The following AKT3 variants were observed in gnomAD, a reference collection of about 807,000 sequenced individuals.
The protein encoded by AKT3 is AKT serine/threonine kinase 3, also known as RAC-gamma serine/threonine-protein kinase.
A neutral mutation model predicts 65.3 loss-of-function variants in AKT3; 15 were observed. That is an observed-to-expected ratio of 0.23 (90% CI 0.15 to 0.35). The LOEUF is 0.35. Ranked by LOEUF, AKT3 falls within the 10% of genes least tolerant of loss-of-function variation. AKT3 has a pLI of 1.00. For missense variants in AKT3, 243 were observed against 576.5 expected (o/e 0.42, Z 5.92); for synonymous variants, 206 against 183.8 (o/e 1.12, Z -0.98).
intron 13 of AKT3, among the ~76,000 whole-genome samples, chr1:243,509,659 T>C (rs1390172264): frequency 1.3e-5 from 2 of 152,124 alleles, no homozygotes; most frequent in African/African-American, 4.8e-5. Flanking sequence ...GCTTGCTGCG[T>C]TGGGCCTATC....
Position 243,502,776 on chromosome 1 carries a change from A to G in AKT3, c.*2473T>C, listed in dbSNP as rs1163205496. On this transcript the variant is annotated 3_prime_UTR_variant, in exon 14 of 14. Coordinates refer to ENST00000673466, the MANE Select transcript of AKT3 (RefSeq NM_005465.7). ...TGACTGAGCCCCAGGCATGGCTGGG[A>G]ACTGAGAGCCAGTGTGAGGAGTGGC... is the stretch of plus-strand genomic sequence containing the variant. 1 of 233,228 alleles carries G rather than the reference A, an allele frequency of 4.3e-6. No homozygotes were observed. Among genetic ancestry groups the G allele is most frequent in the Non-Finnish European group, 8.5e-6 (1 of 118,068 alleles). 14.4% of individuals were successfully genotyped at this position (233,228 alleles called of 1,614,324 possible).
intron 8 of AKT3, among the ~76,000 whole-genome samples, chr1:243,602,325 A>G (rs1677071587): frequency 6.6e-6 from 1 of 152,310 alleles, no homozygotes; most frequent in South Asian, 2.1e-4. Flanking sequence ...TTGAAAAAGC[A>G]TTGGGTGAAA....
intron 8 of AKT3, among the ~76,000 whole-genome samples, chr1:243,590,707 C>G (rs888120601): frequency 1.3e-5 from 2 of 152,020 alleles, no homozygotes; most frequent in African/African-American, 4.8e-5. Flanking sequence ...GAAAGGACTT[C>G]TGAATGTGAA....
chr1:243,516,545 T>C (rs1670366166), intron 12 of AKT3, among the ~76,000 whole-genome samples: 1 of 152,214 alleles, frequency 6.6e-6, no homozygotes, highest in Non-Finnish European at 1.5e-5. Flanking sequence ...ATTTTTCTAA[T>C]TCCTTTTTCT....
chr1:243,647,601 T>C (rs116534937), intron 4 of AKT3, among the ~76,000 whole-genome samples: 2,582 of 152,346 alleles, frequency 0.017, 67 homozygotes, highest in African/African-American at 0.059. Context: ...TTTTTGTATA[T>C]TGACTTTGTA....
chr1:243,686,874 A>C (rs1253174656), intron 3 of AKT3, among the ~76,000 whole-genome samples: 1 of 150,530 alleles, frequency 6.6e-6, no homozygotes, highest in African/African-American at 2.4e-5. Context: ...CATGTTGGCC[A>C]GGCTGCTCTC....
At chr1:243,518,946 A>G (rs1670536519) in intron 12 of AKT3, among the ~76,000 whole-genome samples, 1 of 152,234 alleles carries the variant, frequency 6.6e-6, no homozygotes, top group Non-Finnish European at 1.5e-5. Context: ...AAGAACAAAC[A>G]TGAAATTCAT....
chr1:243,666,329 T>A (rs1682775465), intron 3 of AKT3, among the ~76,000 whole-genome samples: 1 of 152,162 alleles, frequency 6.6e-6, no homozygotes, highest in African/African-American at 2.4e-5. Context: ...ATTGGCCCTT[T>A]ACACTGAGAG....
chr1:243,646,510 A>G (rs894712666), intron 4 of AKT3, among the ~76,000 whole-genome samples: 1 of 151,928 alleles, frequency 6.6e-6, no homozygotes, highest in African/African-American at 2.4e-5. Context: ...GTGTGACACA[A>G]TGCCTGACTA....
chr1:243,681,398 T>C (rs1310918827), intron 3 of AKT3, among the ~76,000 whole-genome samples: 1 of 152,182 alleles, frequency 6.6e-6, no homozygotes, highest in Non-Finnish European at 1.5e-5. Flanking sequence ...GAAAGGACTT[T>C]AGAGATCCTT....
chr1:243,527,918 CACACACACACACACACACAGAGAG>C (rs1223636896), intron 12 of AKT3, among the ~76,000 whole-genome samples: 42 of 96,494 alleles, frequency 4.4e-4, no homozygotes, highest in Middle Eastern at 4.6e-3. Context: ...CACACACACA[CACACACACACACACACACAGAGAG>C]AGAGAGAGAG....
intron 2 of AKT3, among the ~76,000 whole-genome samples, chr1:243,756,511 G>A (rs1185303889): frequency 6.6e-6 from 1 of 152,100 alleles, no homozygotes; most frequent in Non-Finnish European, 1.5e-5. Flanking sequence ...TACATAATAC[G>A]AAAACACTAT....
At chr1:243,713,969 T>C (rs1686329119) in intron 2 of AKT3, among the ~76,000 whole-genome samples, 1 of 151,972 alleles carries the variant, frequency 6.6e-6, no homozygotes, top group African/African-American at 2.4e-5. Context: ...AAAAAAAAAC[T>C]GGACAGAACT....
chr1:243,528,591 T>C (rs1671314185), intron 12 of AKT3, among the ~76,000 whole-genome samples: 1 of 152,246 alleles, frequency 6.6e-6, no homozygotes, highest in Non-Finnish European at 1.5e-5. Flanking sequence ...TTTCTGTTCC[T>C]GTGTTAGTTT....
chr1:243,586,855 G>A (rs747348062), intron 8 of AKT3, among the ~76,000 whole-genome samples: 1 of 151,530 alleles, frequency 6.6e-6, no homozygotes, highest in Non-Finnish European at 1.5e-5. Flanking sequence ...ACCTGCACAA[G>A]TACCTTCTTG....
chr1:243,728,810 G>A (rs1230471070), intron 2 of AKT3, among the ~76,000 whole-genome samples: 1 of 152,170 alleles, frequency 6.6e-6, no homozygotes, highest in Non-Finnish European at 1.5e-5. Context: ...AGACATCCCA[G>A]AAGAGGTAAA....
intron 6 of AKT3, among the ~76,000 whole-genome samples, chr1:243,620,665 C>T (rs1678677377): frequency 6.6e-6 from 1 of 152,106 alleles, no homozygotes; most frequent in Non-Finnish European, 1.5e-5. Flanking sequence ...GTCAGACTGT[C>T]TTCTGTTCCT....
chr1:243,788,375 T>C (rs1691399505), intron 2 of AKT3, among the ~76,000 whole-genome samples: 2 of 152,204 alleles, frequency 1.3e-5, no homozygotes, highest in Admixed American at 1.3e-4. Context: ...TCTATATACA[T>C]TTCATAGAAT....
At chr1:243,712,543 A>G (rs1416937970) in intron 2 of AKT3, among the ~76,000 whole-genome samples, 1 of 152,102 alleles carries the variant, frequency 6.6e-6, no homozygotes, top group South Asian at 2.1e-4. Context: ...TTAATTCTCC[A>G]CACATATTTT....
Sources: allele counts gnomAD v4.1 joint callset (sites outside exome capture counted in the v4.1 genomes callset), GRCh38; gene constraint gnomAD v4.1.1; transcripts MANE v1.5; gene names NCBI Gene and HGNC (gene_info 2026-07-23, HGNC 2026-07-21).